RBFOX2: variants seen among roughly 807,000 people sequenced by gnomAD.
RBFOX2 encodes RNA binding protein fox-1 homolog 2.
A neutral mutation model predicts 49.1 loss-of-function variants in RBFOX2; 10 were observed. That is an observed-to-expected ratio of 0.20 (90% confidence interval 0.13 to 0.35). The LOEUF (loss-of-function observed/expected upper bound fraction) is 0.35. Ranked by LOEUF, RBFOX2 falls within the 10% of genes least tolerant of loss-of-function variation. RBFOX2 has a pLI of 1.00. For synonymous variants in RBFOX2, 183 were observed against 187.4 expected (o/e 0.98, Z 0.19); for missense variants, 323 against 486.9 (o/e 0.66, Z 3.17).
exon 1 of RBFOX2, chr22:36,028,284 G>A (rs781368373): frequency 1.3e-6 from 2 of 1,533,866 alleles, no homozygotes; most frequent in Admixed American, 1.8e-5. Flanking sequence ...TCAGTGCGCG[G>A]CCGCTTGCTC....
chr22:36,017,169 A>G (rs1186010662), intron 1 of RBFOX2, among the ~76,000 whole-genome samples: 8 of 152,206 alleles, frequency 5.3e-5, no homozygotes, highest in Non-Finnish European at 1.0e-4. Flanking sequence ...CATATCCAAT[A>G]TGAGTGATGT....
chr22:35,792,083 G>A (rs144538159), intron 2 of RBFOX2, among the ~76,000 whole-genome samples: 209 of 152,090 alleles, frequency 1.4e-3, no homozygotes, highest in Non-Finnish European at 2.4e-3. Context: ...TTAGGAGGCT[G>A]AGGCAGGTGG....
In RBFOX2 at chr22:35,832,215, G is replaced by A. The variant is rs984534695; in HGVS notation, c.27+7977C>T. Reference sequence around the variant, plus strand: ...GGTGAAACCCTGTCTCTACCAAAAAGTACAAAAATTAACTGGGCATGGTGA... The same window carrying A: ...GGTGAAACCCTGTCTCTACCAAAAAATACAAAAATTAACTGGGCATGGTGA... On this transcript the variant is annotated intron_variant, in intron 1 of 11. Transcript: ENST00000405409. 4.0e-5 allele frequency among the ~76,000 whole-genome samples: 6 copies of A among 151,184 alleles called. No individual in the cohort carries two copies. The East Asian group carries it at 1.2e-3, about 30-fold the overall frequency.
At chr22:36,027,987 C>T (rs1260919124) in intron 1 of RBFOX2, among the ~76,000 whole-genome samples, 1 of 152,148 alleles carries the variant, frequency 6.6e-6, no homozygotes, top group Non-Finnish European at 1.5e-5. Flanking sequence ...CGATTTCCCC[C>T]CAAAACCTAT....
chr22:35,809,538 AG>A (rs1951425879), intron 2 of RBFOX2, among the ~76,000 whole-genome samples: 1 of 152,178 alleles, frequency 6.6e-6, no homozygotes, highest in Non-Finnish European at 1.5e-5. Context: ...TGAACAGAGA[AG>A]GAGGCAGGAG....
intron 1 of RBFOX2, among the ~76,000 whole-genome samples, chr22:35,975,333 G>A (rs2057093524): frequency 6.6e-6 from 1 of 152,060 alleles, no homozygotes. Context: ...CAATCCTAGG[G>A]ATTAACACAG....
intron 1 of RBFOX2, among the ~76,000 whole-genome samples, chr22:35,991,452 A>G (rs2057977367): frequency 6.6e-6 from 1 of 152,184 alleles, no homozygotes; most frequent in Non-Finnish European, 1.5e-5. Flanking sequence ...TAAAAGATAA[A>G]AAAAATTAGT....
At chr22:35,979,968 T>C (rs1489635770) in intron 1 of RBFOX2, among the ~76,000 whole-genome samples, 1 of 152,046 alleles carries the variant, frequency 6.6e-6, no homozygotes, top group Non-Finnish European at 1.5e-5. Flanking sequence ...GGATGGAAAA[T>C]CAATCAGACC....
At chr22:35,992,797 G>C (rs1034330022) in intron 1 of RBFOX2, 2 of 152,078 alleles carry the variant, frequency 1.3e-5, no homozygotes, top group Non-Finnish European at 2.9e-5. Context: ...GGTTAGTAAG[G>C]ATGAACCCAC....
At chr22:35,829,562 A>G (rs936958115) in intron 1 of RBFOX2, among the ~76,000 whole-genome samples, 1 of 152,078 alleles carries the variant, frequency 6.6e-6, no homozygotes, top group African/African-American at 2.4e-5. Flanking sequence ...AAAGATCCAA[A>G]AAGAAACAGA....
chr22:35,942,774 T>C (rs551966580), upstream of RBFOX2, among the ~76,000 whole-genome samples: 12 of 150,926 alleles, frequency 8.0e-5, no homozygotes, highest in South Asian at 2.5e-3. Context: ...AAGAAGGATA[T>C]ATAACAAACT....
chr22:35,792,159 A>G lies in RBFOX2; in HGVS notation c.253-10413T>C, dbSNP rs533024134. Among the ~76,000 whole-genome samples, 4 of 151,990 alleles carry G rather than the reference A, an allele frequency of 2.6e-5. No individual in the cohort carries two copies. The South Asian group carries it at 8.3e-4, about 32-fold the overall frequency. On this transcript the variant is annotated intron_variant, in intron 2 of 11. Transcript: ENST00000405409. ...TGGTGAAACTCTGTCTCTACTAAAAATACAAAAATTAGGTAGGCGTGGCAG... is the reference window on the plus strand; with the variant it reads ...TGGTGAAACTCTGTCTCTACTAAAAGTACAAAAATTAGGTAGGCGTGGCAG...
At chr22:35,845,169 G>C (rs1045457349), upstream of RBFOX2, among the ~76,000 whole-genome samples, 3 of 151,932 alleles carry the variant, frequency 2.0e-5, no homozygotes, top group African/African-American at 4.8e-5. Context: ...GGCTCTTCAC[G>C]GCACGCCCCC....
chr22:35,862,104 G>A (rs991582250), intron 1 of RBFOX2, among the ~76,000 whole-genome samples: 9 of 152,080 alleles, frequency 5.9e-5, no homozygotes, highest in East Asian at 3.9e-4. Context: ...GCAGATAAGC[G>A]GTTGCTTGGA....
chr22:35,787,767 C>CT (rs529775430), intron 2 of RBFOX2, among the ~76,000 whole-genome samples: 33 of 152,304 alleles, frequency 2.2e-4, no homozygotes, highest in Middle Eastern at 6.8e-3. Context: ...TGCTGAGCAC[C>CT]TTTACTGACC....
At chr22:35,816,932 G>A (rs1034605848) in intron 1 of RBFOX2, among the ~76,000 whole-genome samples, 12 of 152,008 alleles carry the variant, frequency 7.9e-5, no homozygotes, top group African/African-American at 2.9e-4. Context: ...ATTTTATTGC[G>A]TATAACACCC....
At chr22:35,889,598 T>C (rs117640033) in intron 1 of RBFOX2, among the ~76,000 whole-genome samples, 189 of 152,276 alleles carry the variant, frequency 1.2e-3, no homozygotes, top group Non-Finnish European at 2.3e-3. Flanking sequence ...CTCTAATCTA[T>C]GTAGGTATCT....
chr22:35,761,059 G>T, intron 8 of RBFOX2, 143 bp downstream of exon 9: 1 of 696,978 alleles, frequency 1.4e-6, no homozygotes, highest in South Asian at 1.9e-5. Context: ...GGTTAAGCAG[G>T]ACAGGGCACT....
At chr22:35,980,766 G>C (rs543571709) in intron 1 of RBFOX2, among the ~76,000 whole-genome samples, 40 of 152,230 alleles carry the variant, frequency 2.6e-4, no homozygotes, top group African/African-American at 8.4e-4. Context: ...TCTGCCCTCA[G>C]AGAACTTACA....
Sources: allele counts gnomAD v4.1 joint callset (sites outside exome capture counted in the v4.1 genomes callset), GRCh38; gene constraint gnomAD v4.1.1; transcripts MANE v1.5; gene names NCBI Gene and HGNC (gene_info 2026-07-23, HGNC 2026-07-21).